The following PDSS2 variants were observed in gnomAD, a reference collection of about 807,000 sequenced individuals.
The protein encoded by PDSS2 is decaprenyl diphosphate synthase subunit 2.
A neutral mutation model predicts 44.5 loss-of-function variants in PDSS2; 31 were observed. The ratio of observed to expected loss-of-function variants is 0.70; its 90% CI spans 0.52 to 0.94. The LOEUF (loss-of-function observed/expected upper bound fraction) is 0.94, where lower values mean the gene tolerates loss of function less well. PDSS2 is among the 40% of genes least tolerant of loss of function. The pLI is 0.00. For synonymous variants in PDSS2, 157 were observed against 180.3 expected (o/e 0.87, Z 1.03); for missense variants, 452 against 482.2 (o/e 0.94, Z 0.59).
At chr6:107,414,824 G>A (rs1389579914) in intron 1 of PDSS2, among the ~76,000 whole-genome samples, 1 of 152,178 alleles carries the variant, frequency 6.6e-6, no homozygotes, top group Non-Finnish European at 1.5e-5. Flanking sequence ...AGGAAACAGA[G>A]GCATCAATTA....
intron 1 of PDSS2, among the ~76,000 whole-genome samples, chr6:107,424,043 T>A (rs1227825387): frequency 5.4e-5 from 7 of 129,898 alleles, no homozygotes; most frequent in Admixed American, 1.8e-4. Flanking sequence ...CATCTTTTTT[T>A]TTTTTTTTTT....
intron 7 of PDSS2, among the ~76,000 whole-genome samples, chr6:107,161,335 C>T (rs1329366341): frequency 2.0e-5 from 3 of 151,910 alleles, no homozygotes; most frequent in Admixed American, 6.6e-5. Flanking sequence ...AAAAAATTAG[C>T]CAGGCGTGGT....
At chr6:107,442,208 G>A (rs1043615511) in intron 1 of PDSS2, among the ~76,000 whole-genome samples, 9 of 152,294 alleles carry the variant, frequency 5.9e-5, no homozygotes, top group Admixed American at 5.9e-4. Flanking sequence ...CCTGAGATCA[G>A]GAGTTCAAGA....
At chr6:107,272,835 T>A (rs1775647672) in intron 3 of PDSS2, among the ~76,000 whole-genome samples, 1 of 152,042 alleles carries the variant, frequency 6.6e-6, no homozygotes, top group African/African-American at 2.4e-5. Context: ...ATTTAAAAAT[T>A]AGCCAGCCAG....
At chr6:107,184,175 G>T (rs922008168) in intron 7 of PDSS2, among the ~76,000 whole-genome samples, 1 of 152,114 alleles carries the variant, frequency 6.6e-6, no homozygotes, top group Non-Finnish European at 1.5e-5. Flanking sequence ...ACAGGAAAGA[G>T]AAAACACAGC....
At chr6:107,362,102 A>G (rs1246800886) in intron 1 of PDSS2, among the ~76,000 whole-genome samples, 1 of 150,032 alleles carries the variant, frequency 6.7e-6, no homozygotes, top group Non-Finnish European at 1.5e-5. Flanking sequence ...CAGACAAACT[A>G]GCCAAATATT....
intron 3 of PDSS2, among the ~76,000 whole-genome samples, chr6:107,247,026 C>T (rs1774643360): frequency 6.6e-6 from 1 of 151,974 alleles, no homozygotes; most frequent in African/African-American, 2.4e-5. Context: ...GGATTTTTTT[C>T]CCCCTGAAGG....
intron 1 of PDSS2, among the ~76,000 whole-genome samples, chr6:107,382,057 A>G (rs1779470328): frequency 6.6e-6 from 1 of 152,336 alleles, no homozygotes; most frequent in South Asian, 2.1e-4. Flanking sequence ...AAACACCCAG[A>G]TTATGTTTCA....
intron 2 of PDSS2, among the ~76,000 whole-genome samples, chr6:107,328,045 T>A (rs897903607): frequency 6.6e-6 from 1 of 152,240 alleles, no homozygotes; most frequent in African/African-American, 2.4e-5. Flanking sequence ...AAATGAATAC[T>A]ATGTCCAAGG....
chr6:107,252,931 C>T (rs1774873342), intron 3 of PDSS2, among the ~76,000 whole-genome samples: 1 of 152,178 alleles, frequency 6.6e-6, no homozygotes, highest in South Asian at 2.1e-4. Context: ...TGGTACTGTA[C>T]TAATGAAACT....
At chr6:107,422,072 T>C (rs868809818) in intron 1 of PDSS2, among the ~76,000 whole-genome samples, 4 of 134,436 alleles carry the variant, frequency 3.0e-5, no homozygotes, top group Non-Finnish European at 1.6e-5. Flanking sequence ...CAAAAACCTA[T>C]AAAATTTTAA....
intron 4 of PDSS2, among the ~76,000 whole-genome samples, chr6:107,241,844 A>T (rs1774446312): frequency 6.6e-6 from 1 of 152,188 alleles, no homozygotes; most frequent in Non-Finnish European, 1.5e-5. Context: ...ACCCCTAGAA[A>T]GATGAAATGG....
chr6:107,416,227 T>C (rs542537517), intron 1 of PDSS2, among the ~76,000 whole-genome samples: 1 of 152,238 alleles, frequency 6.6e-6, no homozygotes, highest in African/African-American at 2.4e-5. Context: ...GGAAAAAAAT[T>C]TGTAAGCACA....
At chr6:107,263,441 A>C (rs1208327881) in intron 3 of PDSS2, among the ~76,000 whole-genome samples, 1 of 151,804 alleles carries the variant, frequency 6.6e-6, no homozygotes, top group African/African-American at 2.4e-5. Context: ...TGACAGAGCA[A>C]GACTGAAAAA....
intron 4 of PDSS2, among the ~76,000 whole-genome samples, chr6:107,230,477 T>C (rs1379495170): frequency 6.6e-6 from 1 of 152,092 alleles, no homozygotes; most frequent in African/African-American, 2.4e-5. Flanking sequence ...TGACTCCAGT[T>C]TACTATTGAT....
chr6:107,202,504 C>T (rs982731502), intron 6 of PDSS2, among the ~76,000 whole-genome samples: 2 of 152,156 alleles, frequency 1.3e-5, no homozygotes, highest in African/African-American at 4.8e-5. Flanking sequence ...GTTAGAGCAG[C>T]CCACTGAGTA....
chr6:107,180,384 G>A (rs1398376214), intron 7 of PDSS2, among the ~76,000 whole-genome samples: 2 of 152,190 alleles, frequency 1.3e-5, no homozygotes, highest in Non-Finnish European at 2.9e-5. Flanking sequence ...TCAACCCAGG[G>A]GGTGAGAGGC....
intron 2 of PDSS2, among the ~76,000 whole-genome samples, chr6:107,289,212 A>C (rs1776262431): frequency 6.6e-6 from 1 of 151,410 alleles, no homozygotes; most frequent in Non-Finnish European, 1.5e-5. Flanking sequence ...ATCTCTACTA[A>C]AAATACAAAA....
intron 1 of PDSS2, among the ~76,000 whole-genome samples, chr6:107,353,698 C>G (rs2115345365): frequency 6.6e-6 from 1 of 152,170 alleles, no homozygotes; most frequent in East Asian, 1.9e-4. Flanking sequence ...CTTCCCAGTT[C>G]TCGAAAGTGC....
Sources: allele counts gnomAD v4.1 joint callset (sites outside exome capture counted in the v4.1 genomes callset), GRCh38; gene constraint gnomAD v4.1.1; transcripts MANE v1.5; gene names NCBI Gene and HGNC (gene_info 2026-07-23, HGNC 2026-07-21).